The following LINGO2 variants were observed in gnomAD, a reference collection of about 807,000 sequenced individuals.
LINGO2 encodes the protein leucine rich repeat and Ig domain containing 2.
Under a neutral mutation model 30.6 loss-of-function variants are expected in LINGO2, and 14 were observed. That is an observed-to-expected ratio of 0.46 (90% CI 0.30 to 0.72). The LOEUF (loss-of-function observed/expected upper bound fraction) is 0.72, where lower values mean the gene tolerates loss of function less well. Among genes scored for constraint, LINGO2 ranks in the 30% least tolerant of loss-of-function variants. The pLI is 0.07. For synonymous variants in LINGO2, 317 were observed against 288.5 expected, an observed-to-expected ratio of 1.10 and a Z score of -1.00; for missense variants, 729 against 751.7, an observed-to-expected ratio of 0.97 and a Z score of 0.35.
the LINGO2 span, among the ~76,000 whole-genome samples, chr9:29,068,863 C>T: frequency 6.6e-6 from 1 of 151,706 alleles, no homozygotes; most frequent in Non-Finnish European, 1.5e-5. Flanking sequence ...AAAACAAAAA[C>T]ACAGATGATT....
the LINGO2 span, among the ~76,000 whole-genome samples, chr9:28,983,099 A>G: frequency 6.6e-6 from 1 of 151,990 alleles, no homozygotes; most frequent in South Asian, 2.1e-4. Flanking sequence ...TCAAGTTATA[A>G]TTATGGGTAG....
At chr9:28,538,415 G>A (rs1040495458) in intron 1 of LINGO2, among the ~76,000 whole-genome samples, 6 of 151,890 alleles carry the variant, frequency 4.0e-5, no homozygotes, top group East Asian at 3.9e-4. Context: ...ATATTCAGTC[G>A]TGACAGACAT....
chr9:28,927,708 A>G, the LINGO2 span, among the ~76,000 whole-genome samples: 10 of 152,344 alleles, frequency 6.6e-5, no homozygotes, highest in African/African-American at 2.4e-4. Context: ...TATTAATAAG[A>G]GCTAACACCT....
chr9:28,052,029 C>T (rs1052419359), intron 4 of LINGO2, among the ~76,000 whole-genome samples: 3 of 152,118 alleles, frequency 2.0e-5, no homozygotes, highest in East Asian at 3.9e-4. Flanking sequence ...CTGTCTCTTG[C>T]ACTATGCTCT....
chr9:28,802,869 A>G, the LINGO2 span, among the ~76,000 whole-genome samples: 1 of 152,050 alleles, frequency 6.6e-6, no homozygotes, highest in Non-Finnish European at 1.5e-5. Context: ...TCCCCAAACG[A>G]GAAAGCTAAA....
chr9:28,713,243 A>G, the LINGO2 span, among the ~76,000 whole-genome samples: 1 of 151,830 alleles, frequency 6.6e-6, no homozygotes, highest in Non-Finnish European at 1.5e-5. Flanking sequence ...GAAAGCCTCA[A>G]TGATGACATT....
the LINGO2 span, among the ~76,000 whole-genome samples, chr9:28,728,832 C>T: frequency 2.4e-4 from 36 of 152,164 alleles, 1 homozygote; most frequent in African/African-American, 8.4e-4. Context: ...ATAAATCATT[C>T]CAAAGACTCA....
At chr9:28,156,178 A>G (rs1020541474) in intron 4 of LINGO2, among the ~76,000 whole-genome samples, 2 of 152,166 alleles carry the variant, frequency 1.3e-5, no homozygotes, top group Non-Finnish European at 2.9e-5. Flanking sequence ...ATTTCGTCTT[A>G]TGTACTGAAT....
chr9:28,478,336 T>TC (rs1170761714), intron 1 of LINGO2, among the ~76,000 whole-genome samples: 1 of 152,112 alleles, frequency 6.6e-6, no homozygotes, highest in East Asian at 1.9e-4. Flanking sequence ...GTTTCTGTTT[T>TC]TTTTTCTCAG....
intron 4 of LINGO2, among the ~76,000 whole-genome samples, chr9:28,165,576 G>A (rs1180567379): frequency 6.6e-6 from 1 of 152,172 alleles, no homozygotes; most frequent in Non-Finnish European, 1.5e-5. Context: ...GGAAGGAAAA[G>A]AAGAGCAAGA....
At chr9:29,151,656 G>C in the LINGO2 span, among the ~76,000 whole-genome samples, 29 of 151,858 alleles carry the variant, frequency 1.9e-4, no homozygotes, top group Admixed American at 1.9e-3. Context: ...CAACGAAAAA[G>C]AAGGGCATTA....
chr9:28,277,415 A>G (rs1206074357), intron 4 of LINGO2, among the ~76,000 whole-genome samples: 1 of 152,142 alleles, frequency 6.6e-6, no homozygotes, highest in Non-Finnish European at 1.5e-5. Flanking sequence ...TCCCTGAGAC[A>G]CAATCATATT....
At chr9:28,253,977 G>C (rs982624324) in intron 4 of LINGO2, among the ~76,000 whole-genome samples, 4 of 151,980 alleles carry the variant, frequency 2.6e-5, no homozygotes, top group African/African-American at 9.7e-5. Context: ...CGTACTAGTC[G>C]GACTCTTGTT....
chr9:28,381,894 CT>C, intron 2 of LINGO2, among the ~76,000 whole-genome samples: 1 of 152,166 alleles, frequency 6.6e-6, no homozygotes, highest in African/African-American at 2.4e-5. Flanking sequence ...CATTTTGTTT[CT>C]TCAGTTTTTT....
At chr9:28,938,611 C>T in the LINGO2 span, among the ~76,000 whole-genome samples, 2 of 152,128 alleles carry the variant, frequency 1.3e-5, no homozygotes, top group African/African-American at 4.8e-5. Context: ...TGTTTAGATA[C>T]ACAAATACTT....
chr9:29,083,207 G>C, the LINGO2 span, among the ~76,000 whole-genome samples: 1 of 151,980 alleles, frequency 6.6e-6, no homozygotes, highest in Non-Finnish European at 1.5e-5. Context: ...TGATAGACTG[G>C]ATTAAGAAAA....
chr9:27,977,998 C>T (rs570227198), intron 5 of LINGO2, among the ~76,000 whole-genome samples: 3 of 151,946 alleles, frequency 2.0e-5, no homozygotes, highest in South Asian at 4.1e-4. Context: ...TTTGGTGTAG[C>T]TGAGTGTGTG....
chr9:28,003,651 C>CG (rs1563902343), intron 5 of LINGO2, among the ~76,000 whole-genome samples: 1 of 152,086 alleles, frequency 6.6e-6, no homozygotes, highest in African/African-American at 2.4e-5. Context: ...TTAGTAGAAA[C>CG]GGGGTTTCAC....
chr9:29,109,482 G>C, the LINGO2 span, among the ~76,000 whole-genome samples: 26 of 152,312 alleles, frequency 1.7e-4, no homozygotes, highest in Admixed American at 3.9e-4. Context: ...TGGGGAAGCA[G>C]ATGAATTACC....
Sources: allele counts gnomAD v4.1 joint callset (sites outside exome capture counted in the v4.1 genomes callset), GRCh38; gene constraint gnomAD v4.1.1; transcripts MANE v1.5; gene names NCBI Gene and HGNC (gene_info 2026-07-23, HGNC 2026-07-21).